Variants in UTP14C observed in about 807,000 individuals in gnomAD.
The protein encoded by UTP14C is UTP14C small subunit processome component.
A neutral mutation model predicts 14.6 loss-of-function variants in UTP14C; 10 were observed. That is an observed-to-expected ratio of 0.68 (90% CI 0.42 to 1.16). The LOEUF (loss-of-function observed/expected upper bound fraction) is 1.16, where lower values mean the gene tolerates loss of function less well. Among genes scored for constraint, UTP14C ranks in the 50% most tolerant of loss-of-function variants. UTP14C has a pLI of 0.00. For synonymous variants in UTP14C, 315 were observed against 331.6 expected, an observed-to-expected ratio of 0.95 and a Z score of 0.54; for missense variants, 818 against 890.8, an observed-to-expected ratio of 0.92 and a Z score of 1.04.
rs1954311392 is a variant in UTP14C at position 52,032,039 on chromosome 13, G to C, written c.*934G>C. The C allele has an allele frequency of 6.4e-6, 1 of 155,062 alleles. No homozygotes were observed. The highest frequency in any genetic ancestry group is 6.5e-5 in the Admixed American group (1 of 15,268). 9.6% of individuals were successfully genotyped at this position (155,062 alleles called of 1,614,324 possible). A position where few individuals can be genotyped will look rare whatever the true frequency, so the allele number is the denominator to read the frequency against. The stretch of plus-strand genomic sequence containing the variant: ...AGTTGAGACCAGCCTGAACAACATG[G>C]TGAAACCCTGTCTGTACTAAAAATA... On this transcript the variant is annotated 3_prime_UTR_variant, in exon 2 of 2. Transcript: ENST00000521776.
chr13:52,030,742 C>T lies in UTP14C; in HGVS notation c.1938C>T (p.Arg646=). The T allele has an allele frequency of 1.2e-6, 2 of 1,614,162 alleles. No individual in the cohort carries two copies. The highest frequency in any genetic ancestry group is 2.7e-5 in the African/African-American group (2 of 75,018). ...VGLKPSAKKR[R]QFLIKAPEGP... is the part of the protein sequence containing the mutation. ...TAAAGCCCAGTGCCAAGAAAAGACG[C>T]CAGTTTCTCATTAAAGCCCCTGAGG... Residue 646 remains arginine, a synonymous_variant, in exon 2 of 2, where the codon CGC becomes CGT. Transcript: ENST00000521776.
At position 52,028,250 on chromosome 13, in the gene UTP14C, A is replaced by G. The variant is rs150992881; in HGVS notation, c.-486-69A>G. 4.4e-4 allele frequency: 693 copies of G among 1,576,892 alleles called. 2 individuals carry two copies. The African/African-American group carries it at 7.8e-3, about 18-fold the overall frequency. The stretch of plus-strand genomic sequence containing the variant: ...TCCCTTAAATTTTTTGAAGATTTCT[A>G]TTCATCCTCATTCTTATGAACACAC... On this transcript the variant is annotated intron_variant, in intron 1 of 1. Transcript: ENST00000521776.
intron 1 of UTP14C, among the ~76,000 whole-genome samples, chr13:52,025,777 G>A (rs998423659): frequency 6.6e-6 from 1 of 152,220 alleles, no homozygotes; most frequent in African/African-American, 2.4e-5. Flanking sequence ...CACACTGTTA[G>A]TTGTTAGGGG....
Position 52,029,011 on chromosome 13 carries a change from A to G in UTP14C, c.207A>G (p.Lys69=). The part of the protein sequence containing the change: ...KLAERSEASL[K]VSEFSVSSEG... Reference sequence around the variant, plus strand: ...CTGAGAGGTCTGAGGCTAGTCTGAAAGTGTCAGAGTTCAGTGTCAGTTCTG... The same window carrying G: ...CTGAGAGGTCTGAGGCTAGTCTGAAGGTGTCAGAGTTCAGTGTCAGTTCTG... Residue 69 remains lysine (K), a synonymous_variant, in exon 2 of 2, where the codon AAA becomes AAG. Coordinates refer to ENST00000521776, the MANE Select transcript of UTP14C (RefSeq NM_021645.6). The G allele has an allele frequency of 6.2e-7, 1 of 1,614,250 alleles. No homozygotes were observed.
At chr13:52,025,600 A>C (rs1954233022) in intron 1 of UTP14C, among the ~76,000 whole-genome samples, 1 of 152,230 alleles carries the variant, frequency 6.6e-6, no homozygotes, top group African/African-American at 2.4e-5. Flanking sequence ...GCCAGATTGC[A>C]TCATAAGTCT....
chr13:52,032,429 T>C lies in UTP14C; in HGVS notation c.*1324T>C, dbSNP rs1346694950. On this transcript the variant is annotated 3_prime_UTR_variant, in exon 2 of 2. Transcript: ENST00000521776. ...AAAAGTGAATATATGTGTGAGCAGATATGGCTATAAAGACCTATAGCTTTT... is the reference window on the plus strand; with the variant it reads ...AAAAGTGAATATATGTGTGAGCAGACATGGCTATAAAGACCTATAGCTTTT... The C allele has an allele frequency of 6.0e-6, 1 of 167,122 alleles. No homozygotes were observed. The highest frequency in any genetic ancestry group is 2.4e-5 in the African/African-American group (1 of 41,468). 10.4% of individuals were successfully genotyped at this position (167,122 alleles called of 1,614,324 possible). A position where few individuals can be genotyped will look rare whatever the true frequency, so the allele number is the denominator to read the frequency against.
intron 1 of UTP14C, among the ~76,000 whole-genome samples, chr13:52,027,570 T>C (rs1473861355): frequency 6.6e-6 from 1 of 152,208 alleles, no homozygotes; most frequent in Non-Finnish European, 1.5e-5. Flanking sequence ...AATCATTCCC[T>C]GAAGGGCTTA....
In UTP14C at chr13:52,033,035, A is replaced by ATAT. The variant is rs1954320459; in HGVS notation, c.*1932_*1934dup. 6.0e-6 allele frequency: 1 copy of ATAT among 167,108 alleles called. No individual in the cohort carries two copies. Among genetic ancestry groups the ATAT allele is most frequent in the Admixed American group, 6.5e-5 (1 of 15,284 alleles). The allele number at this position is 167,108 out of a possible 1,614,324, so 10.4% of individuals were successfully genotyped here. A position where few individuals can be genotyped will look rare whatever the true frequency, so the allele number is the denominator to read the frequency against. On this transcript the variant is annotated 3_prime_UTR_variant, in exon 2 of 2. Transcript: ENST00000521776. ...AAAGTTTTCTGGAATTCCGTAAATTATATTTTAAGCTTATTTCTTCAAAAT... is the reference window on the plus strand; with the variant it reads ...AAAGTTTTCTGGAATTCCGTAAATTATATTATTTTAAGCTTATTTCTTCAAAAT...
Position 52,030,199 on chromosome 13 carries a change from G to A in UTP14C, c.1395G>A (p.Leu465=), listed in dbSNP as rs1260884272. The change falls in exon 2 of 2, where the codon TTG becomes TTA. Residue 465 remains leucine, a synonymous_variant. Transcript: ENST00000521776. ...LSELRALSQK[L]KEKHQSRKQK... ...AATTGAGGGCACTATCTCAGAAATT[G>A]AAGGAAAAACATCAGTCCAGGAAGC... is the stretch of plus-strand genomic sequence containing the variant. The A allele has an allele frequency of 1.9e-6, 3 of 1,614,086 alleles. No individual in the cohort carries two copies. Among genetic ancestry groups the A allele is most frequent in the Non-Finnish European group, 2.5e-6 (3 of 1,180,046 alleles).
intron 1 of UTP14C, 125 bp from the exon 2 acceptor site, chr13:52,028,194 T>C (rs531463116): frequency 8.9e-7 from 1 of 1,128,496 alleles, no homozygotes; most frequent in South Asian, 1.4e-5. Flanking sequence ...AGCAAATGTC[T>C]AGACATACAT....
At position 52,029,116 on chromosome 13, in the gene UTP14C, G is replaced by C; in HGVS notation, c.312G>C (p.Lys104Asn). The C allele has an allele frequency of 6.2e-7, 1 of 1,614,188 alleles. No homozygotes were observed. The highest frequency in any genetic ancestry group is 8.5e-7 in the Non-Finnish European group (1 of 1,180,040). Residue 104 changes from lysine (K) to asparagine (N), a missense_variant, in exon 2 of 2, where the codon AAG (lysine) becomes AAC (asparagine). Coordinates refer to ENST00000521776, the MANE Select transcript of UTP14C (RefSeq NM_021645.6). ...KTSSSLATVK[K>N]QLNRVKSKKV... ...CATCTTCTTTGGCCACTGTAAAAAA[G>C]CAACTGAATAGAGTCAAATCAAAGA...
chr13:52,032,585 A>G lies in UTP14C; in HGVS notation c.*1480A>G, dbSNP rs1954316521. Reference sequence around the variant, plus strand: ...CTTTGCAGTCTCCTCTCAGTCATTCATCAATGTGGCCAGCTTATCTACTCC... The same window carrying G: ...CTTTGCAGTCTCCTCTCAGTCATTCGTCAATGTGGCCAGCTTATCTACTCC... On this transcript the variant is annotated 3_prime_UTR_variant, in exon 2 of 2. Transcript: ENST00000521776. 6.0e-6 allele frequency: 1 copy of G among 167,096 alleles called. No individual in the cohort carries two copies. The highest frequency in any genetic ancestry group is 2.4e-5 in the African/African-American group (1 of 41,460). The allele number at this position is 167,096 out of a possible 1,614,324, so 10.4% of individuals were successfully genotyped here. A position where few individuals can be genotyped will look rare whatever the true frequency, so the allele number is the denominator to read the frequency against.
In UTP14C at chr13:52,031,188, C is replaced by A. The variant is rs1954300529; in HGVS notation, c.*83C>A. 6.6e-7 allele frequency: 1 copy of A among 1,514,388 alleles called. No homozygotes were observed. Among genetic ancestry groups the A allele is most frequent in the African/African-American group, 1.4e-5 (1 of 71,684 alleles). 93.8% of individuals were successfully genotyped at this position (1,514,388 alleles called of 1,614,324 possible). ...TTTTACTCTGCTACAGGGTGGATTCCAAAACTGGCTCAGCACATTGCATGT... is the reference window on the plus strand; with the variant it reads ...TTTTACTCTGCTACAGGGTGGATTCAAAAACTGGCTCAGCACATTGCATGT... On this transcript the variant is annotated 3_prime_UTR_variant, in exon 2 of 2. Coordinates refer to ENST00000521776, the MANE Select transcript of UTP14C (RefSeq NM_021645.6).
rs771264266 is a variant in UTP14C, at chr13:52,029,902, T to C, written c.1098T>C (p.Asn366=). Residue 366 remains asparagine, a synonymous_variant, in exon 2 of 2, where the codon AAT becomes AAC. Transcript: ENST00000521776. The part of the protein sequence containing the change: ...VPHVANEVQM[N]VDGPNPWMFR... ...ATGTAGCGAATGAAGTGCAGATGAATGTGGACGGACCGAATCCCTGGATGT... is the reference window on the plus strand; with the variant it reads ...ATGTAGCGAATGAAGTGCAGATGAACGTGGACGGACCGAATCCCTGGATGT... 6.2e-7 allele frequency: 1 copy of C among 1,614,150 alleles called. No individual in the cohort carries two copies. The highest frequency in any genetic ancestry group is 8.5e-7 in the Non-Finnish European group (1 of 1,180,028).
In UTP14C at chr13:52,029,161, TAAC is replaced by T. The variant is rs1449376055; in HGVS notation, c.360_362del (p.Asn120del). ...CAAAGAAGGTGGTGGAGTTACCTCTTAACAAAGAAAAAATTGAACAGATCCACA... is the reference window on the plus strand; with the variant it reads ...CAAAGAAGGTGGTGGAGTTACCTCTTAAAGAAAAAATTGAACAGATCCACA... On this transcript the variant is annotated inframe_deletion, in exon 2 of 2. Transcript: ENST00000521776. 3.7e-6 allele frequency: 6 copies of T among 1,613,998 alleles called. No individual in the cohort carries two copies. Among genetic ancestry groups the T allele is most frequent in the Admixed American group, 3.3e-5 (2 of 59,998 alleles).
At chr13:52,024,998 G>C in intron 1 of UTP14C, 61 bp downstream of exon 1, 1 of 1,501,232 alleles carries the variant, frequency 6.7e-7, no homozygotes, top group South Asian at 1.1e-5. Flanking sequence ...AAGTTCTTTT[G>C]ATAAAATGAT....
chr13:52,027,576 G>A (rs1954253428), intron 1 of UTP14C, among the ~76,000 whole-genome samples: 1 of 152,140 alleles, frequency 6.6e-6, no homozygotes, highest in African/African-American at 2.4e-5. Flanking sequence ...TCCCTGAAGG[G>A]CTTAATTCTC....
At chr13:52,025,872 G>A (rs548726320) in intron 1 of UTP14C, among the ~76,000 whole-genome samples, 11 of 152,354 alleles carry the variant, frequency 7.2e-5, no homozygotes, top group African/African-American at 2.4e-4. Context: ...TAGTAGTGTA[G>A]TGCTAGGCCC....
rs998882739 is a variant in UTP14C at position 52,031,444 on chromosome 13, CTT to C, written c.*341_*342del. ...AGTCAAGAGGTGGGACTGACTGATG[CTT>C]TATAGGTGTGTGTAGGGTGGTAGAG... is the stretch of plus-strand genomic sequence containing the variant. On this transcript the variant is annotated 3_prime_UTR_variant, in exon 2 of 2. Coordinates refer to ENST00000521776, the MANE Select transcript of UTP14C (RefSeq NM_021645.6). 47 of 274,034 alleles carry C rather than the reference CTT, an allele frequency of 1.7e-4. No individual in the cohort carries two copies. The highest frequency in any genetic ancestry group is 1.5e-4 in the Non-Finnish European group (21 of 135,724). 17.0% of individuals were successfully genotyped at this position (274,034 alleles called of 1,614,324 possible). A position where few individuals can be genotyped will look rare whatever the true frequency, so the allele number is the denominator to read the frequency against.
Sources: allele counts gnomAD v4.1 joint callset (sites outside exome capture counted in the v4.1 genomes callset), GRCh38; gene constraint gnomAD v4.1.1; transcripts MANE v1.5; gene names NCBI Gene and HGNC (gene_info 2026-07-23, HGNC 2026-07-21).